The following GUF1 variants were observed in gnomAD, a reference collection of about 807,000 sequenced individuals.
GUF1 encodes the protein GTP binding elongation factor GUF1.
In GUF1, 78 loss-of-function variants were observed where a neutral mutation model predicts 82.4. The ratio of observed to expected loss-of-function variants is 0.95; its 90% CI spans 0.79 to 1.14. The LOEUF is 1.14. GUF1 is among the 50% of genes most tolerant of loss of function. The pLI is 0.00. For missense variants in GUF1, 814 were observed against 798.2 expected (o/e 1.02, Z -0.24); for synonymous variants, 279 against 282.3 (o/e 0.99, Z 0.12).
intron 4 of GUF1, among the ~76,000 whole-genome samples, chr4:44,681,698 TAA>T (rs1714781581): frequency 6.6e-6 from 1 of 152,114 alleles, no homozygotes; most frequent in South Asian, 2.1e-4. Context: ...GCTGTGAATA[TAA>T]ACTTTTGTTA....
At chr4:44,679,088 A>G (rs1714618161) in intron 1 of GUF1, among the ~76,000 whole-genome samples, 1 of 152,196 alleles carries the variant, frequency 6.6e-6, no homozygotes. Flanking sequence ...TAATTCTAAA[A>G]AGCCTACTAA....
At position 44,698,718 on chromosome 4, in the gene GUF1, A is replaced by T. The variant is rs764462977; in HGVS notation, c.*37A>T. ...ACAAAGAATTTTCATTGCAATTTGTAATATGCTGACAACAGAAAGAAAATT... is the reference window on the plus strand; with the variant it reads ...ACAAAGAATTTTCATTGCAATTTGTTATATGCTGACAACAGAAAGAAAATT... On this transcript the variant is annotated 3_prime_UTR_variant, in exon 17 of 17. Transcript: ENST00000281543. The T allele has an allele frequency of 1.2e-5, 18 of 1,549,970 alleles. No individual in the cohort carries two copies. Among genetic ancestry groups the T allele is most frequent in the Non-Finnish European group, 1.6e-5 (18 of 1,144,010 alleles).
At chr4:44,687,009 A>G (rs556252464) in intron 8 of GUF1, among the ~76,000 whole-genome samples, 2 of 152,054 alleles carry the variant, frequency 1.3e-5, no homozygotes, top group East Asian at 3.9e-4. Context: ...CCCTCCACCC[A>G]TATCCATATT....
chr4:44,697,407 G>A lies in GUF1; in HGVS notation c.1836-1G>A, dbSNP rs1715896963. 2 of 1,557,730 alleles carry A rather than the reference G, an allele frequency of 1.3e-6. No homozygotes were observed. The highest frequency in any genetic ancestry group is 1.8e-6 in the Non-Finnish European group (2 of 1,140,312). On this transcript the variant is annotated splice_acceptor_variant, in intron 15 of 16. Coordinates refer to ENST00000281543, the MANE Select transcript of GUF1 (RefSeq NM_021927.3). LOFTEE classifies it high-confidence loss of function. ...CTTAAACGAATTTTTCTCTTTTACA[G>A]TGTGAAAGCCTATAGGAAAAACGTT...
rs1715276393 is a variant in GUF1 at position 44,689,370 on chromosome 4, T to C, written c.1163T>C (p.Val388Ala). 2.5e-6 allele frequency: 4 copies of C among 1,609,548 alleles called. No homozygotes were observed. Among genetic ancestry groups the C allele is most frequent in the Non-Finnish European group, 3.4e-6 (4 of 1,177,282 alleles). ...KLTLNDSSVT[V>A]HRDSSLALGA... ...ACTTTAAATGATTCCAGTGTGACCG[T>C]TCATCGGGATAGTAGCCTTGCTCTG... is the stretch of plus-strand genomic sequence containing the variant. The change falls in exon 10 of 17, where the codon GTT becomes GCT. Residue 388 changes from valine (V) to alanine (A), a missense_variant. Transcript: ENST00000281543.
chr4:44,682,410 A>G lies in GUF1; in HGVS notation c.584A>G (p.Lys195Arg). The change falls in exon 5 of 17, where the codon AAG becomes AGG. Residue 195 changes from lysine to arginine, a missense_variant and splice_region_variant. Coordinates refer to ENST00000281543, the MANE Select transcript of GUF1 (RefSeq NM_021927.3). ...AQLSVIPVIN[K>R]IDLKNADPER... Reference sequence around the variant, plus strand: ...CTATCGGTAATTCCAGTTATAAATAAGGTAATTACAATGAGACAACAGTGT... The same window carrying G: ...CTATCGGTAATTCCAGTTATAAATAGGGTAATTACAATGAGACAACAGTGT... 1 of 1,486,646 alleles carries G rather than the reference A, an allele frequency of 6.7e-7. No homozygotes were observed. Among genetic ancestry groups the G allele is most frequent in the Non-Finnish European group, 9.0e-7 (1 of 1,109,258 alleles). 92.1% of individuals were successfully genotyped at this position (1,486,646 alleles called of 1,614,324 possible). A position where few individuals can be genotyped will look rare whatever the true frequency, so the allele number is the denominator to read the frequency against.
chr4:44,683,302 G>C lies in GUF1; in HGVS notation c.653G>C (p.Ser218Thr). ...ATTGAGAAAGTGTTTGATATTCCAA[G>C]TGATGAATGTATTAAGGTAAAATAC... ...NQIEKVFDIP[S>T]DECIKISAKL... Residue 218 changes from serine to threonine, a missense_variant, in exon 6 of 17, where the codon AGT (serine) becomes ACT (threonine). Physicochemically the swap from Ser to Thr is moderately conservative, Grantham distance 58. Coordinates refer to ENST00000281543, the MANE Select transcript of GUF1 (RefSeq NM_021927.3). 4.4e-6 allele frequency: 7 copies of C among 1,573,312 alleles called. No homozygotes were observed. Among genetic ancestry groups the C allele is most frequent in the Non-Finnish European group, 6.1e-6 (7 of 1,156,438 alleles).
rs1715651715 is a variant in GUF1 at position 44,694,425 on chromosome 4, GA to G, written c.1628del (p.Asp543ValfsTer10). Reference sequence around the variant, plus strand: ...TTTTCCTTTTAGTTTTGATTACGAAGATGCAGGCTACCAGACTGCAGAACTT... The same window carrying G: ...TTTTCCTTTTAGTTTTGATTACGAAGTGCAGGCTACCAGACTGCAGAACTT... ...SSGYASFDYE[D>X]AGYQTAELVK... On this transcript the variant is annotated frameshift_variant, in exon 14 of 17. Coordinates refer to ENST00000281543, the MANE Select transcript of GUF1 (RefSeq NM_021927.3). LOFTEE classifies it high-confidence loss of function. 1 of 1,608,296 alleles carries G rather than the reference GA, an allele frequency of 6.2e-7. No homozygotes were observed. The highest frequency in any genetic ancestry group is 1.3e-5 in the African/African-American group (1 of 74,750).
At chr4:44,685,882 A>C in intron 6 of GUF1, 77 bp from the exon 7 acceptor site, 1 of 954,890 alleles carries the variant, frequency 1.0e-6, no homozygotes, top group Non-Finnish European at 1.6e-6. Context: ...CCTTCTGATC[A>C]TAAGTCACAG....
intron 3 of GUF1, 121 bp downstream of exon 3, chr4:44,680,963 C>G: frequency 9.0e-7 from 1 of 1,116,038 alleles, no homozygotes; most frequent in East Asian, 2.4e-5. Flanking sequence ...TTTGTTTTCT[C>G]AGTGTTCTTA....
chr4:44,694,191 T>C (rs1715627853), intron 13 of GUF1: 1 of 453,982 alleles, frequency 2.2e-6, no homozygotes, highest in African/African-American at 2.1e-5. Flanking sequence ...TCCTTTCCCC[T>C]ATAAACATAT....
At chr4:44,682,211 T>G (rs990582911) in intron 4 of GUF1, 123 bp from the exon 5 acceptor site, 4 of 479,748 alleles carry the variant, frequency 8.3e-6, no homozygotes, top group African/African-American at 8.0e-5. Context: ...GCATTTTGTT[T>G]AATTTTATTA....
intron 6 of GUF1, among the ~76,000 whole-genome samples, chr4:44,685,392 G>A (rs1172787833): frequency 6.6e-6 from 1 of 152,090 alleles, no homozygotes; most frequent in African/African-American, 2.4e-5. Flanking sequence ...CTAGTCTAGA[G>A]TGAATGTGAA....
At position 44,678,646 on chromosome 4, in the gene GUF1, C is replaced by T. The variant is rs1322455438; in HGVS notation, c.24C>T (p.Gly8=). Residue 8 remains glycine, a synonymous_variant, in exon 1 of 17, where the codon GGC becomes GGT. Transcript: ENST00000281543. ...TCATGTGGACCCTCGTGGGTCGGGG[C>T]TGGGGGTGCGCACGCGCTCTCGCGC... MWTLVGR[G]WGCARALAPR... is the part of the protein sequence containing the mutation. 18 of 1,482,694 alleles carry T rather than the reference C, an allele frequency of 1.2e-5. No individual in the cohort carries two copies. Among genetic ancestry groups the T allele is most frequent in the Non-Finnish European group, 1.6e-5 (18 of 1,130,526 alleles). 91.8% of individuals were successfully genotyped at this position (1,482,694 alleles called of 1,614,324 possible). A position where few individuals can be genotyped will look rare whatever the true frequency, so the allele number is the denominator to read the frequency against.
rs760185239 is a variant in GUF1, at chr4:44,689,981, T to C, written c.1335+6T>C. On this transcript the variant is annotated splice_donor_region_variant and intron_variant, in intron 11 of 16. Transcript: ENST00000281543. ...CATCATCAAAATTGATAAAGGTACTTGGTATTTAGTACTGGTATTTAGTAC... is the reference window on the plus strand; with the variant it reads ...CATCATCAAAATTGATAAAGGTACTCGGTATTTAGTACTGGTATTTAGTAC... The C allele has an allele frequency of 3.2e-6, 5 of 1,566,764 alleles. No homozygotes were observed. In the Admixed American group the frequency reaches 6.9e-5, roughly 22 times the overall value.
chr4:44,685,538 T>C (rs1405493737), intron 6 of GUF1, among the ~76,000 whole-genome samples: 1 of 152,104 alleles, frequency 6.6e-6, no homozygotes, highest in African/African-American at 2.4e-5. Context: ...AGATGCCTTA[T>C]GGTTTTATGC....
intron 15 of GUF1, 49 bp from the exon 16 acceptor site, chr4:44,697,359 A>T: frequency 8.6e-7 from 1 of 1,159,130 alleles, no homozygotes; most frequent in Non-Finnish European, 1.2e-6. Flanking sequence ...AAGTGCTTTT[A>T]AACAGTATAA....
intron 11 of GUF1, 87 bp downstream of exon 11, chr4:44,690,062 A>G: frequency 2.1e-6 from 2 of 945,068 alleles, no homozygotes; most frequent in Non-Finnish European, 2.9e-6. Context: ...ATGCAGGAGA[A>G]GCTTTTTACT....
chr4:44,686,518 T>C lies in GUF1; in HGVS notation c.743T>C (p.Val248Ala). ...TTACTTATATTTACTAGTCCTAAAG[T>C]GCATCGCAAAAATCCTCTGAGAGCT... ...AIIERIPPPKVHRKNPLRALV... is the reference protein window; with the variant it reads ...AIIERIPPPKAHRKNPLRALV... The change falls in exon 8 of 17, where the codon GTG becomes GCG. Residue 248 changes from valine (V) to alanine (A), a missense_variant. Val to Ala is a moderately conservative substitution (Grantham distance 64, BLOSUM62 0). Coordinates refer to ENST00000281543, the MANE Select transcript of GUF1 (RefSeq NM_021927.3). 1.2e-6 allele frequency: 2 copies of C among 1,609,148 alleles called. No individual in the cohort carries two copies. Among genetic ancestry groups the C allele is most frequent in the Non-Finnish European group, 1.7e-6 (2 of 1,176,216 alleles).
Sources: gnomAD v4.1 joint callset for allele counts (sites outside exome capture counted in the v4.1 genomes callset) on GRCh38, gnomAD v4.1.1 for gene constraint, MANE v1.5 for transcripts, NCBI Gene and HGNC (gene_info 2026-07-23, HGNC 2026-07-21) for gene names.